Variants in RABGAP1 observed in about 807,000 individuals in gnomAD.
RABGAP1 encodes the protein RAB GTPase activating protein 1.
RABGAP1 carries 23 observed loss-of-function variants against 137.6 expected under a neutral mutation model. That is an observed-to-expected ratio of 0.17 (90% CI 0.12 to 0.24). The LOEUF (loss-of-function observed/expected upper bound fraction) is 0.24. RABGAP1 is among the 10% of genes least tolerant of loss of function. The probability of loss-of-function intolerance (pLI) is 1.00; values close to 1 mark genes in which losing one functional copy is unlikely to be tolerated. For missense variants in RABGAP1, 906 were observed against 1,275.8 expected, an observed-to-expected ratio of 0.71 and a Z score of 4.42; for synonymous variants, 451 against 450.7, an observed-to-expected ratio of 1.00 and a Z score of -0.01.
chr9:123,003,110 C>G (rs2029880041), intron 10 of RABGAP1, among the ~76,000 whole-genome samples: 1 of 152,090 alleles, frequency 6.6e-6, no homozygotes, highest in Non-Finnish European at 1.5e-5. Flanking sequence ...TTAATCTCAC[C>G]CCTTGTAACT....
intron 1 of RABGAP1, among the ~76,000 whole-genome samples, chr9:122,950,409 T>C (rs1834181246): frequency 6.7e-6 from 1 of 149,146 alleles, no homozygotes; most frequent in Non-Finnish European, 1.5e-5. Flanking sequence ...TGATGTTGTT[T>C]TGAATCTGTG....
Position 122,948,906 on chromosome 9 carries a change from A to G in RABGAP1, c.-50+7813A>G, listed in dbSNP as rs982244098. 2.0e-5 allele frequency among the ~76,000 whole-genome samples: 3 copies of G among 152,188 alleles called. No homozygotes were observed. The South Asian group carries it at 6.2e-4, about 31-fold the overall frequency. ...GAAGTATATTCAACCAACCAAATTT[A>G]TTGAACACTGCCCGTAAGTAAGGAA... is the stretch of plus-strand genomic sequence containing the variant. On this transcript the variant is annotated intron_variant, in intron 1 of 25. Transcript: ENST00000373647.
At chr9:123,000,140 A>G (rs925718474) in intron 10 of RABGAP1, among the ~76,000 whole-genome samples, 1 of 152,104 alleles carries the variant, frequency 6.6e-6, no homozygotes, top group African/African-American at 2.4e-5. Flanking sequence ...TTCATGTATG[A>G]TGATGCACAT....
intron 9 of RABGAP1, among the ~76,000 whole-genome samples, chr9:122,997,781 C>T (rs181549957): frequency 6.6e-6 from 1 of 152,294 alleles, no homozygotes; most frequent in East Asian, 1.9e-4. Flanking sequence ...ATACTCTATG[C>T]ATAAAGTATC....
chr9:122,940,833 A>G (rs1008253047), upstream of RABGAP1: 2 of 152,340 alleles, frequency 1.3e-5, no homozygotes, highest in African/African-American at 4.8e-5. Context: ...GCAGGCGCAC[A>G]GTCCTGAGGC....
At chr9:123,044,738 T>C (rs946911158) in intron 13 of RABGAP1, among the ~76,000 whole-genome samples, 4 of 151,940 alleles carry the variant, frequency 2.6e-5, no homozygotes. Context: ...GAATGCAAAA[T>C]GCCATGTAGT....
In RABGAP1 at chr9:123,020,405, A is replaced by G. The variant is rs1462223242; in HGVS notation, c.1740A>G (p.Ala580=). The G allele has an allele frequency of 2.5e-6, 4 of 1,607,740 alleles. No individual in the cohort carries two copies. The East Asian group carries it at 8.9e-5, about 36-fold the overall frequency. The change falls in exon 13 of 26, where the codon GCA becomes GCG. Residue 580 remains alanine (A), a synonymous_variant. Transcript: ENST00000373647. The stretch of plus-strand genomic sequence containing the variant: ...GAGGAGAAGTCTGGCAGCTGCTAGC[A>G]GGCTGTCATAACAATGACCACCTGG... ...ALRGEVWQLL[A]GCHNNDHLVE...
intron 2 of RABGAP1, among the ~76,000 whole-genome samples, chr9:122,974,652 A>T (rs1835673832): frequency 1.3e-5 from 2 of 152,124 alleles, no homozygotes; most frequent in Admixed American, 1.3e-4. Flanking sequence ...AAATTAAAAT[A>T]AAACCCATCC....
intron 19 of RABGAP1, among the ~76,000 whole-genome samples, chr9:123,087,718 G>A (rs542512032): frequency 9.9e-5 from 15 of 152,174 alleles, no homozygotes; most frequent in Non-Finnish European, 1.9e-4. Context: ...ACCTTGGGCA[G>A]CAGCCAGACT....
intron 19 of RABGAP1, among the ~76,000 whole-genome samples, chr9:123,086,390 T>A (rs1270460894): frequency 2.6e-5 from 4 of 152,116 alleles, no homozygotes; most frequent in Non-Finnish European, 5.9e-5. Context: ...CAACAATGAG[T>A]GAGAGACAGT....
intron 1 of RABGAP1, among the ~76,000 whole-genome samples, chr9:122,954,880 C>T (rs1006553144): frequency 2.6e-5 from 4 of 152,132 alleles, no homozygotes; most frequent in African/African-American, 9.7e-5. Context: ...CACCATCTCT[C>T]TAAGACTTAA....
intron 13 of RABGAP1, among the ~76,000 whole-genome samples, chr9:123,041,685 AC>A (rs1395626049): frequency 1.3e-5 from 2 of 152,224 alleles, no homozygotes; most frequent in Non-Finnish European, 2.9e-5. Flanking sequence ...AATTCAGTGG[AC>A]GAGTAGTAAC....
At chr9:122,960,066 C>A (rs1785078010) in intron 2 of RABGAP1, among the ~76,000 whole-genome samples, 1 of 152,142 alleles carries the variant, frequency 6.6e-6, no homozygotes, top group South Asian at 2.1e-4. Context: ...TAAGGTTACT[C>A]TAAAAAATAG....
chr9:123,064,048 TCA>T (rs1303726903), intron 13 of RABGAP1, among the ~76,000 whole-genome samples: 4 of 152,188 alleles, frequency 2.6e-5, no homozygotes, highest in African/African-American at 4.8e-5. Flanking sequence ...GCTCTCACTC[TCA>T]CTCTCGCTCA....
At chr9:122,979,253 A>G (rs575526062) in intron 2 of RABGAP1, among the ~76,000 whole-genome samples, 1 of 152,278 alleles carries the variant, frequency 6.6e-6, no homozygotes, top group South Asian at 2.1e-4. Flanking sequence ...TATTTCCCTG[A>G]TGGCTAGTAA....
At chr9:123,008,310 A>G (rs893824690) in intron 10 of RABGAP1, among the ~76,000 whole-genome samples, 1 of 152,114 alleles carries the variant, frequency 6.6e-6, no homozygotes, top group African/African-American at 2.4e-5. Context: ...CTGTAATCCC[A>G]ACACTTTGGG....
intron 1 of RABGAP1, among the ~76,000 whole-genome samples, chr9:122,954,292 C>T (rs142022991): frequency 0.018 from 2,689 of 152,230 alleles, 41 homozygotes; most frequent in Middle Eastern, 0.031. Context: ...ATGGACTACT[C>T]CCTCTTCACT....
At chr9:122,946,469 A>T (rs1833954530) in intron 1 of RABGAP1, among the ~76,000 whole-genome samples, 1 of 152,196 alleles carries the variant, frequency 6.6e-6, no homozygotes, top group African/African-American at 2.4e-5. Flanking sequence ...GTTGCTTAAA[A>T]ATACTCATAT....
rs1029449401 is a variant in RABGAP1 at position 123,050,022 on chromosome 9, T to A, written c.1795-15326T>A. Among the ~76,000 whole-genome samples, 8 of 152,170 alleles carry A rather than the reference T, an allele frequency of 5.3e-5. No homozygotes were observed. In the South Asian group the frequency reaches 1.7e-3, roughly 32 times the overall value. On this transcript the variant is annotated intron_variant, in intron 13 of 25. Coordinates refer to ENST00000373647, the MANE Select transcript of RABGAP1 (RefSeq NM_012197.4). ...AGACAGAACAGCCTGGCCCTAGACT[T>A]TGTGTTCTGTTGGTTGCATTGTGAT...
Sources: gnomAD v4.1 joint callset for allele counts (sites outside exome capture counted in the v4.1 genomes callset) on GRCh38, gnomAD v4.1.1 for gene constraint, MANE v1.5 for transcripts, NCBI Gene and HGNC (gene_info 2026-07-23, HGNC 2026-07-21) for gene names.